Variants in EDA2R observed in about 807,000 individuals in gnomAD.
EDA2R encodes the protein tumor necrosis factor receptor superfamily member 27.
Under a neutral mutation model 20.1 loss-of-function variants are expected in EDA2R, and 26 were observed. That is an observed-to-expected ratio of 1.30 (90% CI 0.95 to 1.80). The LOEUF is 1.80. EDA2R is among the 40% of genes most tolerant of loss of function. The probability of loss-of-function intolerance (pLI) is 0.00; values close to 1 mark genes in which losing one functional copy is unlikely to be tolerated. For missense variants in EDA2R, 277 were observed against 228.7 expected (o/e 1.21, Z -1.36); for synonymous variants, 114 against 88.7 (o/e 1.29, Z -1.60).
chrX:66,631,241 C>T (rs1933781065), intron 1 of EDA2R, among the ~76,000 whole-genome samples: 1 of 110,748 alleles, frequency 9.0e-6, no homozygotes, highest in Non-Finnish European at 1.9e-5. Context: ...GGATAAAATA[C>T]TACAAATAGT....
intron 2 of EDA2R, 59 bp downstream of exon 2, chrX:66,615,875 G>T: frequency 9.8e-7 from 1 of 1,017,566 alleles, no homozygotes; most frequent in East Asian, 3.2e-5. Flanking sequence ...GCCTCTTTCA[G>T]TTGCCGGGCT....
At chrX:66,637,847 G>T (rs1934497537) in intron 1 of EDA2R, among the ~76,000 whole-genome samples, 1 of 111,870 alleles carries the variant, frequency 8.9e-6, no homozygotes, top group African/African-American at 3.3e-5. Flanking sequence ...ATCCACTTTA[G>T]CCTGAAGTTA....
At chrX:66,623,711 C>T (rs113358471) in intron 1 of EDA2R, among the ~76,000 whole-genome samples, 223 of 111,523 alleles carry the variant, frequency 2.0e-3, no homozygotes, top group African/African-American at 7.0e-3. Context: ...GAAATGCCTT[C>T]ATCTTAAGGC....
rs901793915 is a variant in EDA2R, at chrX:66,595,808, A to G, written c.*2296T>C. 7 of 111,462 alleles carry G rather than the reference A, an allele frequency of 6.3e-5. No individual in the cohort carries two copies. The highest frequency in any genetic ancestry group is 2.3e-4 in the African/African-American group (7 of 30,649). 9.2% of individuals were successfully genotyped at this position (111,462 alleles called of 1,213,427 possible). A position where few individuals can be genotyped will look rare whatever the true frequency, so the allele number is the denominator to read the frequency against. On this transcript the variant is annotated 3_prime_UTR_variant, in exon 7 of 7. Coordinates refer to ENST00000374719, the MANE Select transcript of EDA2R (RefSeq NM_021783.5). ...TAAAATGTACCAATATTCAATGTAA[A>G]ACACTGAAGACCTAGCTAGTAGGGT...
Position 66,598,408 on chromosome X carries a change from C to T in EDA2R, c.*11-315G>A, listed in dbSNP as rs185772827. Reference sequence around the variant, plus strand: ...GGAAACTGATGAGGTCTGTCTGGCACGAGGAACAGAGCCAGGATGGATAGG... The same window carrying T: ...GGAAACTGATGAGGTCTGTCTGGCATGAGGAACAGAGCCAGGATGGATAGG... On this transcript the variant is annotated intron_variant, in intron 6 of 6. Coordinates refer to ENST00000374719, the MANE Select transcript of EDA2R (RefSeq NM_021783.5). 4.8e-4 allele frequency among the ~76,000 whole-genome samples: 54 copies of T among 111,646 alleles called. No homozygotes were observed. In the South Asian group the frequency reaches 0.015, roughly 31 times the overall value.
intron 5 of EDA2R, 74 bp from the exon 6 acceptor site, chrX:66,599,934 G>A: frequency 8.7e-7 from 1 of 1,153,058 alleles, no homozygotes; most frequent in Non-Finnish European, 1.2e-6. Flanking sequence ...TGGGTACTGA[G>A]TACAAGACAG....
At chrX:66,627,925 G>A (rs900832179) in intron 1 of EDA2R, among the ~76,000 whole-genome samples, 22 of 111,820 alleles carry the variant, frequency 2.0e-4, no homozygotes, top group African/African-American at 6.8e-4. Flanking sequence ...AAGATAGGCC[G>A]TATGATAGGG....
chrX:66,603,540 G>A (rs1293968490), intron 4 of EDA2R, among the ~76,000 whole-genome samples: 2 of 111,753 alleles, frequency 1.8e-5, no homozygotes, highest in South Asian at 3.8e-4. Flanking sequence ...TGACCTGGAA[G>A]ACATATGGTC....
intron 5 of EDA2R, among the ~76,000 whole-genome samples, chrX:66,601,364 G>T (rs113659646): frequency 8.9e-6 from 1 of 111,824 alleles, no homozygotes; most frequent in African/African-American, 3.3e-5. Context: ...GAGACAGGAA[G>T]GTCTACCTTG....
chrX:66,615,448 G>C lies in EDA2R; in HGVS notation c.87+486C>G, dbSNP rs149713744. Among the ~76,000 whole-genome samples, 722 of 111,691 alleles carry C rather than the reference G, an allele frequency of 6.5e-3. 4 individuals are homozygous for C. The highest frequency in any genetic ancestry group is 0.023 in the African/African-American group (701 of 30,716). On this transcript the variant is annotated intron_variant, in intron 2 of 6. Coordinates refer to ENST00000374719, the MANE Select transcript of EDA2R (RefSeq NM_021783.5). ...GTAAGTTACATAAAGTCTCTGCCTT[G>C]CTGGTCATTTTATTCTGATCCTTAT...
intron 4 of EDA2R, among the ~76,000 whole-genome samples, chrX:66,603,837 T>C (rs1303875273): frequency 1.8e-5 from 2 of 112,208 alleles, no homozygotes; most frequent in Non-Finnish European, 3.8e-5. Flanking sequence ...TTTGGATAGA[T>C]GCTGGGTGAT....
chrX:66,619,677 G>A (rs1054710937), intron 1 of EDA2R, among the ~76,000 whole-genome samples: 25 of 111,105 alleles, frequency 2.3e-4, no homozygotes, highest in African/African-American at 6.9e-4. Flanking sequence ...CTGCTAAAGC[G>A]CATCACCCAC....
chrX:66,597,122 T>A lies in EDA2R; in HGVS notation c.*982A>T, dbSNP rs777742578. ...TACTTAATAAACCACTTAATAGTTG[T>A]GGGACAGGAACTAGCTGTACAAGTT... On this transcript the variant is annotated 3_prime_UTR_variant, in exon 7 of 7. Transcript: ENST00000374719. 8.8e-6 allele frequency: 1 copy of A among 113,109 alleles called. No individual in the cohort carries two copies. The highest frequency in any genetic ancestry group is 3.6e-4 in the South Asian group (1 of 2,778). 9.3% of individuals were successfully genotyped at this position (113,109 alleles called of 1,213,427 possible). A position where few individuals can be genotyped will look rare whatever the true frequency, so the allele number is the denominator to read the frequency against.
chrX:66,631,427 G>T (rs1245134471), intron 1 of EDA2R, among the ~76,000 whole-genome samples: 2 of 110,428 alleles, frequency 1.8e-5, no homozygotes, highest in Non-Finnish European at 3.8e-5. Context: ...TCTTTATTTG[G>T]CTAGCAAAAA....
chrX:66,626,309 C>T (rs1933072065), intron 1 of EDA2R, among the ~76,000 whole-genome samples: 1 of 110,838 alleles, frequency 9.0e-6, no homozygotes, highest in Admixed American at 9.6e-5. Flanking sequence ...AAATAGATAC[C>T]ATAAAGAAAA....
In EDA2R at chrX:66,632,260, C is replaced by G. The variant is rs183370028; in HGVS notation, c.-11+6735G>C. On this transcript the variant is annotated intron_variant, in intron 1 of 6. Transcript: ENST00000374719. ...CCAACATGGCGAAAAACTGTATCTA[C>G]TAAAAGTACAAAAATTAGCCAGGCG... 2.7e-3 allele frequency among the ~76,000 whole-genome samples: 297 copies of G among 111,369 alleles called. 1 individual carries two copies. The highest frequency in any genetic ancestry group is 9.5e-3 in the African/African-American group (292 of 30,660).
At position 66,605,891 on chromosome X, in the gene EDA2R, T is replaced by C. The variant is rs180838425; in HGVS notation, c.88-665A>G. ...CAGATAAAATGCATGAAAGTATATA[T>C]TGGGTTGTGATAAAAAGTTATTTCT... On this transcript the variant is annotated intron_variant, in intron 2 of 6. Transcript: ENST00000374719. 1.5e-4 allele frequency among the ~76,000 whole-genome samples: 17 copies of C among 112,275 alleles called. No individual in the cohort carries two copies. In the East Asian group the frequency reaches 4.5e-3, roughly 30 times the overall value.
chrX:66,600,141 C>A, intron 5 of EDA2R: 1 of 1,000,952 alleles, frequency 1.0e-6, no homozygotes, highest in Non-Finnish European at 1.4e-6. Context: ...TTGATACCAT[C>A]TCCCTTGCCA....
Position 66,635,745 on chromosome X carries a change from A to G in EDA2R, c.-11+3250T>C, listed in dbSNP as rs190709096. 3.0e-4 allele frequency among the ~76,000 whole-genome samples: 34 copies of G among 112,201 alleles called. 1 individual carries two copies. The highest frequency in any genetic ancestry group is 2.8e-3 in the Admixed American group (30 of 10,604). On this transcript the variant is annotated intron_variant, in intron 1 of 6. Transcript: ENST00000374719. ...GCAGTTCTGGCACAGATGCTTACTA[A>G]CTAAATGATCTCTAGCAAGTTTCAT...
Sources: gnomAD v4.1 joint callset for allele counts (sites outside exome capture counted in the v4.1 genomes callset) on GRCh38, gnomAD v4.1.1 for gene constraint, MANE v1.5 for transcripts, NCBI Gene and HGNC (gene_info 2026-07-23, HGNC 2026-07-21) for gene names.